The following MTCL3 variants were observed in gnomAD, a reference collection of about 807,000 sequenced individuals.
The protein encoded by MTCL3 is microtubule cross-linking factor 3.
chr6:127,481,470 G>T, the MTCL3 span: 5 of 985,220 alleles, frequency 5.1e-6, no homozygotes, highest in African/African-American at 8.7e-5. Flanking sequence ...ATGTTCTGGT[G>T]CAAGTACCAG....
the MTCL3 span, among the ~76,000 whole-genome samples, chr6:127,483,397 A>G: frequency 8.3e-4 from 127 of 152,342 alleles, no homozygotes; most frequent in African/African-American, 2.9e-3. Context: ...ATGAACACAC[A>G]CTTTCAGTGA....
chr6:127,476,361 G>C, the MTCL3 span: 1 of 1,614,038 alleles, frequency 6.2e-7, no homozygotes, highest in Non-Finnish European at 8.5e-7. The surrounding 1 kb of genome is among the most constrained non-coding windows in gnomAD (Gnocchi z 4.4). Context: ...TCTGGAGCTC[G>C]TGTTCAAATC....
the MTCL3 span, among the ~76,000 whole-genome samples, chr6:127,505,803 C>A: frequency 1.3e-5 from 2 of 152,178 alleles, no homozygotes; most frequent in East Asian, 3.8e-4. Context: ...GCTTTGCCAT[C>A]TATATCTTTA....
chr6:127,476,074 A>G, the MTCL3 span: 1 of 1,613,744 alleles, frequency 6.2e-7, no homozygotes, highest in Non-Finnish European at 8.5e-7. This position sits in a 1 kb window ranked among gnomAD's most constrained non-coding sequence, Gnocchi z 4.4. Flanking sequence ...GTCTTCCACC[A>G]GCTGCAGGTG....
chr6:127,499,202 C>T, the MTCL3 span, among the ~76,000 whole-genome samples: 243 of 152,154 alleles, frequency 1.6e-3, no homozygotes, highest in African/African-American at 5.7e-3. Context: ...AAATATTGTA[C>T]CCTTAAAAAG....
chr6:127,517,704 G>A, the MTCL3 span: 1 of 152,172 alleles, frequency 6.6e-6, no homozygotes, highest in African/African-American at 2.4e-5. Flanking sequence ...CTTCCCTCAT[G>A]GTGGTAAGAT....
the MTCL3 span, chr6:127,515,495 G>A: frequency 7.1e-7 from 1 of 1,411,300 alleles, no homozygotes; most frequent in South Asian, 1.7e-5. This position sits in a 1 kb window ranked among gnomAD's most constrained non-coding sequence, Gnocchi z 4.3. Flanking sequence ...CCCCAGCCGG[G>A]TCCCCCCACC....
chr6:127,479,045 A>AG, the MTCL3 span, among the ~76,000 whole-genome samples: 1 of 150,108 alleles, frequency 6.7e-6, no homozygotes, highest in Non-Finnish European at 1.5e-5. Flanking sequence ...AAAAAGAGAA[A>AG]GGGGGAGACA....
the MTCL3 span, among the ~76,000 whole-genome samples, chr6:127,506,741 C>T: frequency 2.0e-5 from 3 of 151,922 alleles, no homozygotes; most frequent in South Asian, 2.1e-4. Flanking sequence ...CGACCACGCC[C>T]GGCTAATTTT....
the MTCL3 span, among the ~76,000 whole-genome samples, chr6:127,499,992 C>T: frequency 1.7e-4 from 26 of 152,148 alleles, no homozygotes; most frequent in Admixed American, 1.7e-3. Flanking sequence ...ATTTCCTCAG[C>T]TATGTCTTCA....
At chr6:127,476,075 G>A in the MTCL3 span, 16 of 1,613,664 alleles carry the variant, frequency 9.9e-6, no homozygotes, top group African/African-American at 2.1e-4. This position sits in a 1 kb window ranked among gnomAD's most constrained non-coding sequence, Gnocchi z 4.4. Context: ...TCTTCCACCA[G>A]CTGCAGGTGC....
At chr6:127,517,141 G>A in the MTCL3 span, among the ~76,000 whole-genome samples, 1 of 152,174 alleles carries the variant, frequency 6.6e-6, no homozygotes, top group East Asian at 1.9e-4. Flanking sequence ...CTAGTTTACT[G>A]GAGAAAGTTT....
At chr6:127,515,017 C>A in the MTCL3 span, 1 of 1,614,136 alleles carries the variant, frequency 6.2e-7, no homozygotes, top group Non-Finnish European at 8.5e-7. The surrounding 1 kb of genome is among the most constrained non-coding windows in gnomAD (Gnocchi z 4.3). Context: ...CTCATCTCGT[C>A]CATCTCGGTT....
At chr6:127,481,260 A>T in the MTCL3 span, 1 of 972,150 alleles carries the variant, frequency 1.0e-6, no homozygotes, top group Non-Finnish European at 1.2e-6. Context: ...AGGAAAGAAG[A>T]TTCATGGCAA....
chr6:127,512,855 A>T, the MTCL3 span: 1 of 1,559,690 alleles, frequency 6.4e-7, no homozygotes, highest in East Asian at 2.3e-5. Context: ...AAGGGCTAAA[A>T]ATACATAGTA....
At chr6:127,477,295 T>G in the MTCL3 span, among the ~76,000 whole-genome samples, 1 of 152,144 alleles carries the variant, frequency 6.6e-6, no homozygotes, top group African/African-American at 2.4e-5. Context: ...TCTCACACAT[T>G]CTTACGACAA....
At chr6:127,503,321 T>C in the MTCL3 span, among the ~76,000 whole-genome samples, 923 of 152,282 alleles carry the variant, frequency 6.1e-3, 49 homozygotes, top group Admixed American at 0.058. Flanking sequence ...AACATAATTA[T>C]ACATAAACTA....
chr6:127,491,167 A>T, the MTCL3 span, among the ~76,000 whole-genome samples: 6 of 152,272 alleles, frequency 3.9e-5, no homozygotes, highest in Non-Finnish European at 7.3e-5. Flanking sequence ...AATATTCCAT[A>T]AACTTCCTTC....
At chr6:127,504,108 A>T in the MTCL3 span, among the ~76,000 whole-genome samples, 1 of 152,138 alleles carries the variant, frequency 6.6e-6, no homozygotes, top group African/African-American at 2.4e-5. Context: ...TCAAGTAAAA[A>T]ATAATTATTG....
Sources: gnomAD v4.1 joint callset for allele counts (sites outside exome capture counted in the v4.1 genomes callset) on GRCh38, gnomAD v4.1.1 for gene constraint, Gnocchi (gnomAD v3.1) non-coding constraint, MANE v1.5 for transcripts, NCBI Gene and HGNC (gene_info 2026-07-23, HGNC 2026-07-21) for gene names.